Variants in ABHD18 observed in about 807,000 individuals in gnomAD.
ABHD18 encodes the protein abhydrolase domain containing 18.
In ABHD18, 55 loss-of-function variants were observed where a neutral mutation model predicts 65.9. The ratio of observed to expected loss-of-function variants is 0.84; its 90% CI spans 0.67 to 1.05. The LOEUF is 1.05. Among genes scored for constraint, ABHD18 ranks in the 50% least tolerant of loss-of-function variants. The pLI is 0.00. For synonymous variants in ABHD18, 181 were observed against 180.2 expected (o/e 1.00, Z -0.04); for missense variants, 533 against 558.5 (o/e 0.95, Z 0.46).
At chr4:128,033,524 CT>C (rs869099600) in intron 12 of ABHD18, among the ~76,000 whole-genome samples, 24,136 of 108,364 alleles carry the variant, frequency 0.22, 1,530 homozygotes, top group African/African-American at 0.25. Flanking sequence ...CAAAGATAGT[CT>C]TTTTTTTTTT....
rs1758849496 is a variant in ABHD18, at chr4:128,036,000, A to G, written c.*187A>G. 1 of 410,406 alleles carries G rather than the reference A, an allele frequency of 2.4e-6. No individual in the cohort carries two copies. Among genetic ancestry groups the G allele is most frequent in the African/African-American group, 2.0e-5 (1 of 49,706 alleles). The allele number at this position is 410,406 out of a possible 1,614,324, so 25.4% of individuals were successfully genotyped here. A position where few individuals can be genotyped will look rare whatever the true frequency, so the allele number is the denominator to read the frequency against. On this transcript the variant is annotated 3_prime_UTR_variant, in exon 13 of 13. Coordinates refer to ENST00000645843, the MANE Select transcript of ABHD18 (RefSeq NM_001358451.3). ...TACATTTGAATAATTTCAAGATAAT[A>G]TTTGAAGTAAATAATGTTAAAGTGT...
intron 4 of ABHD18, among the ~76,000 whole-genome samples, chr4:128,006,808 C>CGT (rs1235680887): frequency 6.6e-6 from 1 of 152,154 alleles, no homozygotes; most frequent in Non-Finnish European, 1.5e-5. Context: ...AAAACGGACA[C>CGT]GTGTGGTGAC....
At chr4:128,023,705 C>G (rs1641002453) in intron 10 of ABHD18, among the ~76,000 whole-genome samples, 1 of 151,924 alleles carries the variant, frequency 6.6e-6, no homozygotes, top group African/African-American at 2.4e-5. Flanking sequence ...ACGGTGAAAC[C>G]CCATCTCTAC....
At chr4:127,977,565 T>C (rs1748192395) in intron 1 of ABHD18, among the ~76,000 whole-genome samples, 1 of 152,340 alleles carries the variant, frequency 6.6e-6, no homozygotes, top group South Asian at 2.1e-4. Context: ...CTTAATCCTA[T>C]AAAGGTAGTA....
At chr4:128,014,017 C>T (rs1005675705) in intron 7 of ABHD18, among the ~76,000 whole-genome samples, 8 of 119,420 alleles carry the variant, frequency 6.7e-5, no homozygotes, top group African/African-American at 9.6e-5. Context: ...GAGTTTCGCT[C>T]TTGTTGCCCA....
At chr4:128,034,635 G>A (rs1222095438) in intron 12 of ABHD18, among the ~76,000 whole-genome samples, 5 of 151,940 alleles carry the variant, frequency 3.3e-5, no homozygotes, top group Non-Finnish European at 4.4e-5. Context: ...GATAAAATTT[G>A]TCTATTCCTT....
intron 4 of ABHD18, 63 bp from the exon 5 acceptor site, chr4:128,008,857 A>C (rs1475709439): frequency 6.0e-6 from 7 of 1,168,790 alleles, no homozygotes; most frequent in Non-Finnish European, 3.6e-6. Flanking sequence ...TTAAGAACTG[A>C]AAGTTTTTAT....
In ABHD18 at chr4:127,965,521, AAAGTT is replaced by A. The variant is rs1480287180; in HGVS notation, c.-102_-98del. ...CGGAGCTGCGATTGGGGCTGGGACCAAAGTTGAGTCCTGGAAAGGGAGCCTGGAGA... is the reference window on the plus strand; with the variant it reads ...CGGAGCTGCGATTGGGGCTGGGACCAGAGTCCTGGAAAGGGAGCCTGGAGA... On this transcript the variant is annotated 5_prime_UTR_variant, in exon 1 of 13. Transcript: ENST00000645843. 1.5e-5 allele frequency: 5 copies of A among 335,832 alleles called. No homozygotes were observed. Among genetic ancestry groups the A allele is most frequent in the Non-Finnish European group, 2.9e-5 (5 of 174,382 alleles). 20.8% of individuals were successfully genotyped at this position (335,832 alleles called of 1,614,324 possible). A position where few individuals can be genotyped will look rare whatever the true frequency, so the allele number is the denominator to read the frequency against.
At chr4:127,983,629 G>T (rs542716510) in intron 2 of ABHD18, among the ~76,000 whole-genome samples, 17 of 152,228 alleles carry the variant, frequency 1.1e-4, no homozygotes, top group Admixed American at 2.0e-4. Flanking sequence ...ACTTTGGGAG[G>T]CCAAGGCAGG....
At chr4:128,027,542 A>G (rs1757560988) in intron 10 of ABHD18, among the ~76,000 whole-genome samples, 1 of 152,126 alleles carries the variant, frequency 6.6e-6, no homozygotes, top group Non-Finnish European at 1.5e-5. Context: ...AGTAGCTGGG[A>G]TAACAGGCAC....
chr4:127,980,406 T>C (rs1020205307), intron 1 of ABHD18, among the ~76,000 whole-genome samples: 1 of 136,070 alleles, frequency 7.3e-6, no homozygotes, highest in African/African-American at 2.6e-5. Flanking sequence ...TGCTCTGTTA[T>C]AGCAACACAA....
chr4:128,006,985 A>G (rs1753703681), intron 4 of ABHD18, among the ~76,000 whole-genome samples: 1 of 152,204 alleles, frequency 6.6e-6, no homozygotes, highest in Non-Finnish European at 1.5e-5. Context: ...ATCTCTACTT[A>G]AAATACAAAA....
chr4:128,016,526 G>A (rs1375190259), intron 7 of ABHD18, among the ~76,000 whole-genome samples: 1 of 151,520 alleles, frequency 6.6e-6, no homozygotes, highest in Non-Finnish European at 1.5e-5. Flanking sequence ...TGTAATCCCA[G>A]CACTTTGGGA....
intron 10 of ABHD18, among the ~76,000 whole-genome samples, chr4:128,023,840 C>T (rs577757180): frequency 3.7e-4 from 57 of 152,222 alleles, no homozygotes; most frequent in Admixed American, 8.5e-4. Flanking sequence ...GCCAAGATCA[C>T]GCCACTGCAC....
intron 6 of ABHD18, among the ~76,000 whole-genome samples, chr4:128,010,080 C>T (rs919544477): frequency 2.6e-5 from 4 of 152,144 alleles, no homozygotes; most frequent in South Asian, 2.1e-4. Context: ...CCTCAATTTT[C>T]TCATTGATAA....
In ABHD18 at chr4:128,028,708, A is replaced by C; in HGVS notation, c.1035A>C (p.Ser345=). 1 of 1,613,962 alleles carries C rather than the reference A, an allele frequency of 6.2e-7. No individual in the cohort carries two copies. The highest frequency in any genetic ancestry group is 8.5e-7 in the Non-Finnish European group (1 of 1,179,870). Reference sequence around the variant, plus strand: ...TGAAGCGCTTCAATCAAACACTTTCAACCAACAAAAGTGGTTATACAAGTC... The same window carrying C: ...TGAAGCGCTTCAATCAAACACTTTCCACCAACAAAAGTGGTTATACAAGTC... ...SKMKRFNQTL[S]TNKSGYTSRN... is the part of the protein sequence containing the mutation. The change falls in exon 11 of 13, where the codon TCA becomes TCC. Residue 345 remains serine, a synonymous_variant. Coordinates refer to ENST00000645843, the MANE Select transcript of ABHD18 (RefSeq NM_001358451.3).
intron 1 of ABHD18, among the ~76,000 whole-genome samples, chr4:127,968,018 G>C (rs1375539881): frequency 6.6e-6 from 1 of 152,080 alleles, no homozygotes; most frequent in Non-Finnish European, 1.5e-5. Context: ...TCAGGAGGTC[G>C]AGACCACGGT....
chr4:127,976,586 C>T (rs571669227), intron 1 of ABHD18, among the ~76,000 whole-genome samples: 2 of 152,268 alleles, frequency 1.3e-5, no homozygotes, highest in South Asian at 4.1e-4. Flanking sequence ...TGCAGGGTCT[C>T]TCCTCTAGTC....
At chr4:127,967,998 G>T (rs1746010914) in intron 1 of ABHD18, among the ~76,000 whole-genome samples, 1 of 152,164 alleles carries the variant, frequency 6.6e-6, no homozygotes, top group Non-Finnish European at 1.5e-5. Context: ...GAGGCGGGCG[G>T]ATCACGAGGT....
Sources: allele counts gnomAD v4.1 joint callset (sites outside exome capture counted in the v4.1 genomes callset), GRCh38; gene constraint gnomAD v4.1.1; transcripts MANE v1.5; gene names NCBI Gene and HGNC (gene_info 2026-07-23, HGNC 2026-07-21).